Variants in ZBTB16 observed in about 807,000 individuals in gnomAD.
ZBTB16 encodes zinc finger and BTB domain-containing protein 16.
ZBTB16 carries 8 observed loss-of-function variants against 56.8 expected under a neutral mutation model. That is an observed-to-expected ratio of 0.14 (90% confidence interval 0.08 to 0.25). The LOEUF (loss-of-function observed/expected upper bound fraction) is 0.25, where lower values mean the gene tolerates loss of function less well. ZBTB16 is among the 10% of genes least tolerant of loss of function. The probability of loss-of-function intolerance (pLI) is 1.00; values close to 1 mark genes in which losing one functional copy is unlikely to be tolerated. For missense variants in ZBTB16, 625 were observed against 903.0 expected, an observed-to-expected ratio of 0.69 and a Z score of 3.95; for synonymous variants, 363 against 368.5, an observed-to-expected ratio of 0.98 and a Z score of 0.17.
rs1417727444 is a variant in ZBTB16 at position 114,255,013 on chromosome 11, C to G, written c.*4458C>G. 2.6e-5 allele frequency among the ~76,000 whole-genome samples: 4 copies of G among 152,292 alleles called. No homozygotes were observed. The East Asian group carries it at 7.7e-4, about 29-fold the overall frequency. ...AGGGTACCAGCCTCCTGGTGTGTAT[C>G]ATAGGATTTGTTCACATAGTGTTAT... On this transcript the variant is annotated 3_prime_UTR_variant, in exon 7 of 7. Coordinates refer to ENST00000335953, the MANE Select transcript of ZBTB16 (RefSeq NM_006006.6).
intron 2 of ZBTB16, among the ~76,000 whole-genome samples, chr11:114,092,212 C>T (rs1940218191): frequency 6.6e-6 from 1 of 152,220 alleles, no homozygotes; most frequent in African/African-American, 2.4e-5. Flanking sequence ...GCATTCAGGC[C>T]TTCCAGGGCT....
At chr11:114,190,092 A>G (rs1943455318) in intron 4 of ZBTB16, among the ~76,000 whole-genome samples, 1 of 152,230 alleles carries the variant, frequency 6.6e-6, no homozygotes, top group Non-Finnish European at 1.5e-5. Flanking sequence ...GTTCATGTAA[A>G]ATATCTAGAA....
At position 114,101,186 on chromosome 11, in the gene ZBTB16, G is replaced by A. The variant is rs968190497; in HGVS notation, c.1268+36618G>A. Among the ~76,000 whole-genome samples the A allele has an allele frequency of 4.6e-5, 7 of 152,200 alleles. No homozygotes were observed. The East Asian group carries it at 1.2e-3, about 25-fold the overall frequency. ...CAGCCTGCTAATTTTTAAGTTTTTT[G>A]TAGAGATGAGGTTTCACTGCATTGC... On this transcript the variant is annotated intron_variant, in intron 2 of 6. Coordinates refer to ENST00000335953, the MANE Select transcript of ZBTB16 (RefSeq NM_006006.6).
intron 2 of ZBTB16, among the ~76,000 whole-genome samples, chr11:114,097,617 G>T (rs1345049634): frequency 6.6e-6 from 1 of 152,032 alleles, no homozygotes; most frequent in Admixed American, 6.5e-5. Context: ...GTACTCCTGA[G>T]TATCAGCGAT....
intron 2 of ZBTB16, among the ~76,000 whole-genome samples, chr11:114,075,702 C>G (rs371954546): frequency 4.6e-5 from 7 of 151,670 alleles, no homozygotes; most frequent in Admixed American, 1.3e-4. Flanking sequence ...AACTCCCGAC[C>G]TCAGGTGATC....
At chr11:114,226,357 C>G (rs1036691288) in intron 4 of ZBTB16, among the ~76,000 whole-genome samples, 2 of 152,214 alleles carry the variant, frequency 1.3e-5, no homozygotes, top group African/African-American at 4.8e-5. Context: ...ACAGAGGTGT[C>G]TCTCTTCACT....
chr11:114,163,392 G>A (rs1942648725), intron 3 of ZBTB16, among the ~76,000 whole-genome samples: 1 of 151,984 alleles, frequency 6.6e-6, no homozygotes. Context: ...GGTGTTTTTG[G>A]TTTTGTTGTG....
chr11:114,117,291 C>T (rs1186052752), intron 2 of ZBTB16, among the ~76,000 whole-genome samples: 1 of 151,960 alleles, frequency 6.6e-6, no homozygotes, highest in East Asian at 1.9e-4. Flanking sequence ...GAGAAGCCGA[C>T]CTTTTATTCT....
intron 3 of ZBTB16, among the ~76,000 whole-genome samples, chr11:114,183,059 G>T (rs779084556): frequency 1.3e-5 from 2 of 152,098 alleles, no homozygotes; most frequent in African/African-American, 2.4e-5. Context: ...CTCCGCTCAC[G>T]TGTCCATGGA....
At position 114,063,445 on chromosome 11, in the gene ZBTB16, C is replaced by A. The variant is rs200926841; in HGVS notation, c.145C>A (p.Arg49=). ...MVDSQEFHAH[R]TVLACTSKMF... is the part of the protein sequence containing the mutation. ...GGACAGCCAGGAGTTCCACGCCCAC[C>A]GGACGGTGCTGGCCTGCACCAGCAA... The change falls in exon 2 of 7, where the codon CGG becomes AGG. Residue 49 remains arginine, a synonymous_variant. Coordinates refer to ENST00000335953, the MANE Select transcript of ZBTB16 (RefSeq NM_006006.6). The surrounding 1 kb of genome is among the most constrained non-coding windows in gnomAD (Gnocchi z 6.5). 1 of 1,614,190 alleles carries A rather than the reference C, an allele frequency of 6.2e-7. No individual in the cohort carries two copies. Among genetic ancestry groups the A allele is most frequent in the Non-Finnish European group, 8.5e-7 (1 of 1,180,034 alleles).
chr11:114,159,631 T>G (rs1442656882), intron 3 of ZBTB16, among the ~76,000 whole-genome samples: 1 of 152,186 alleles, frequency 6.6e-6, no homozygotes, highest in African/African-American at 2.4e-5. Context: ...TGGAGTGACC[T>G]GGACTTGTTG....
In ZBTB16 at chr11:114,064,005, C is replaced by T. The variant is rs1233467473; in HGVS notation, c.705C>T (p.His235=). The part of the protein sequence containing the change: ...EEPTLAGGGR[H]PGVAEVKTEM... ...CAACTCTGGCTGGGGGTGGGCGGCA[C>T]CCTGGGGTGGCTGAGGTGAAGACGG... The change falls in exon 2 of 7, where the codon CAC becomes CAT. Residue 235 remains histidine, a synonymous_variant. Transcript: ENST00000335953. This position sits in a 1 kb window ranked among gnomAD's most constrained non-coding sequence, Gnocchi z 4.2. The T allele has an allele frequency of 6.2e-7, 1 of 1,613,180 alleles. No homozygotes were observed. The highest frequency in any genetic ancestry group is 1.7e-5 in the Admixed American group (1 of 59,966).
At chr11:114,147,348 A>T (rs934243082) in intron 2 of ZBTB16, among the ~76,000 whole-genome samples, 19 of 152,344 alleles carry the variant, frequency 1.2e-4, no homozygotes, top group African/African-American at 4.6e-4. Context: ...CTTCGCATGT[A>T]TCCAGGCAGA....
intron 2 of ZBTB16, among the ~76,000 whole-genome samples, chr11:114,127,318 G>A (rs1327683280): frequency 6.6e-6 from 1 of 152,122 alleles, no homozygotes; most frequent in Non-Finnish European, 1.5e-5. Flanking sequence ...CACGTGCATT[G>A]GACTCCCATG....
chr11:114,183,763 C>G (rs1248037472), intron 3 of ZBTB16, among the ~76,000 whole-genome samples: 1 of 152,226 alleles, frequency 6.6e-6, no homozygotes, highest in African/African-American at 2.4e-5. Context: ...GTGACTTCAT[C>G]CAGCCGCAGC....
At chr11:114,230,904 C>T (rs558645423) in intron 4 of ZBTB16, among the ~76,000 whole-genome samples, 1 of 152,204 alleles carries the variant, frequency 6.6e-6, no homozygotes, top group African/African-American at 2.4e-5. Flanking sequence ...GTCTGGGTCT[C>T]CTCCTGCCTC....
chr11:114,122,707 G>A (rs1446141666), intron 2 of ZBTB16, among the ~76,000 whole-genome samples: 1 of 152,042 alleles, frequency 6.6e-6, no homozygotes, highest in Non-Finnish European at 1.5e-5. Flanking sequence ...CCACAGAGTC[G>A]AAAAATGACC....
At chr11:114,195,703 A>G (rs1943590610) in intron 4 of ZBTB16, among the ~76,000 whole-genome samples, 2 of 152,154 alleles carry the variant, frequency 1.3e-5, no homozygotes, top group Non-Finnish European at 2.9e-5. Context: ...CAGATTGGAT[A>G]ATCTCAATAT....
intron 2 of ZBTB16, among the ~76,000 whole-genome samples, chr11:114,127,842 T>C (rs925987919): frequency 1.3e-5 from 2 of 152,120 alleles, no homozygotes; most frequent in Non-Finnish European, 2.9e-5. Flanking sequence ...GAGAGGAGCT[T>C]TGGGTCATGT....
Sources: allele counts gnomAD v4.1 joint callset (sites outside exome capture counted in the v4.1 genomes callset), GRCh38; gene constraint gnomAD v4.1.1; non-coding constraint Gnocchi (gnomAD v3.1); transcripts MANE v1.5; gene names NCBI Gene and HGNC (gene_info 2026-07-23, HGNC 2026-07-21).